The following FGF12 variants were observed in gnomAD, a reference collection of about 807,000 sequenced individuals.
FGF12 encodes the protein fibroblast growth factor 12B.
Under a neutral mutation model 23.6 loss-of-function variants are expected in FGF12, and 14 were observed. The ratio of observed to expected loss-of-function variants is 0.59; its 90% CI spans 0.39 to 0.93. The LOEUF (loss-of-function observed/expected upper bound fraction) is 0.93, where lower values mean the gene tolerates loss of function less well. Ranked by LOEUF, FGF12 falls within the 40% of genes least tolerant of loss-of-function variation. The pLI is 0.00. For synonymous variants in FGF12, 62 were observed against 77.3 expected (o/e 0.80, Z 1.04); for missense variants, 175 against 217.8 (o/e 0.80, Z 1.24).
intron 2 of FGF12, among the ~76,000 whole-genome samples, chr3:192,461,785 T>C (rs1722868822): frequency 6.6e-6 from 1 of 152,114 alleles, no homozygotes; most frequent in Admixed American, 6.6e-5. Flanking sequence ...GGTCAGGAGT[T>C]TGAGACCAGT....
At chr3:192,657,968 AGACTATTTGG>A (rs1022988385) in intron 2 of FGF12, among the ~76,000 whole-genome samples, 4 of 114,942 alleles carry the variant, frequency 3.5e-5, no homozygotes, top group South Asian at 3.2e-4. Context: ...GAGTACCACG[AGACTATTTGG>A]GTTTTTTTTT....
At chr3:192,225,076 A>T (rs1718664356) in intron 4 of FGF12, among the ~76,000 whole-genome samples, 1 of 152,012 alleles carries the variant, frequency 6.6e-6, no homozygotes, top group East Asian at 1.9e-4. Context: ...GACTTGCCAC[A>T]ACTTCAAGGC....
intron 2 of FGF12, among the ~76,000 whole-genome samples, chr3:192,722,127 T>C (rs896014050): frequency 1.1e-4 from 17 of 152,310 alleles, no homozygotes; most frequent in African/African-American, 4.1e-4. Flanking sequence ...TTAAATGAAC[T>C]GGACCCCCTT....
At chr3:192,255,301 C>T (rs1057068181) in intron 4 of FGF12, among the ~76,000 whole-genome samples, 2 of 151,954 alleles carry the variant, frequency 1.3e-5, no homozygotes, top group African/African-American at 2.4e-5. Context: ...ACATTGTCAA[C>T]TTTTCCCATT....
chr3:192,536,977 A>G (rs1054870493), intron 2 of FGF12, among the ~76,000 whole-genome samples: 3 of 152,070 alleles, frequency 2.0e-5, no homozygotes, highest in Non-Finnish European at 4.4e-5. Flanking sequence ...TCTGGTAACC[A>G]TCATTCTACT....
chr3:192,155,498 TG>T (rs571968498), intron 5 of FGF12, among the ~76,000 whole-genome samples: 137 of 152,312 alleles, frequency 9.0e-4, no homozygotes, highest in African/African-American at 3.2e-3. Flanking sequence ...GAGGTTCATT[TG>T]GGCGATCTAA....
intron 4 of FGF12, among the ~76,000 whole-genome samples, chr3:192,224,370 C>A (rs1458003873): frequency 6.6e-6 from 1 of 152,032 alleles, no homozygotes; most frequent in Admixed American, 6.6e-5. Flanking sequence ...TTTCTTTTTC[C>A]TTTTCTCTAG....
At chr3:192,230,138 C>A (rs1305888511) in intron 4 of FGF12, among the ~76,000 whole-genome samples, 1 of 152,080 alleles carries the variant, frequency 6.6e-6, no homozygotes, top group African/African-American at 2.4e-5. Context: ...ACATTTTACC[C>A]ATATTGCCAA....
intron 2 of FGF12, among the ~76,000 whole-genome samples, chr3:192,712,968 C>G (rs991722695): frequency 6.6e-6 from 1 of 152,108 alleles, no homozygotes; most frequent in African/African-American, 2.4e-5. Flanking sequence ...ATCTGTGCAT[C>G]TGAGTGTCTT....
chr3:192,209,964 A>T (rs541385902), intron 4 of FGF12, among the ~76,000 whole-genome samples: 1 of 136,086 alleles, frequency 7.3e-6, no homozygotes, highest in South Asian at 2.5e-4. Flanking sequence ...GATTAAAGAT[A>T]AAAAAAATAG....
chr3:192,572,082 C>G (rs9865525), intron 2 of FGF12, among the ~76,000 whole-genome samples: 26,134 of 151,898 alleles, frequency 0.17, 2,449 homozygotes, highest in Middle Eastern at 0.35. Context: ...GCTTAGGAAA[C>G]TAGGACCCAT....
At chr3:192,412,217 T>C (rs1721220775) in intron 2 of FGF12, among the ~76,000 whole-genome samples, 1 of 152,202 alleles carries the variant, frequency 6.6e-6, no homozygotes, top group Non-Finnish European at 1.5e-5. Flanking sequence ...GCGCCCCCTA[T>C]AAAAGGCCTG....
intron 4 of FGF12, among the ~76,000 whole-genome samples, chr3:192,298,596 T>C (rs898004022): frequency 6.6e-6 from 1 of 152,054 alleles, no homozygotes; most frequent in African/African-American, 2.4e-5. Context: ...CTACTAAAAA[T>C]ACAAAAATTA....
At chr3:192,363,425 C>A (rs1401133830) in intron 2 of FGF12, among the ~76,000 whole-genome samples, 1 of 152,086 alleles carries the variant, frequency 6.6e-6, no homozygotes, top group Non-Finnish European at 1.5e-5. Flanking sequence ...GTAACTCCTG[C>A]TCAGGATAAT....
rs1009389792 is a variant in FGF12, at chr3:192,600,996, C to T, written c.13+126185G>A. Among the ~76,000 whole-genome samples the T allele has an allele frequency of 2.0e-4, 30 of 152,062 alleles. 1 individual carries two copies. Among genetic ancestry groups the T allele is most frequent in the Admixed American group, 1.4e-3 (22 of 15,230 alleles). On this transcript the variant is annotated intron_variant, in intron 2 of 5. Coordinates refer to ENST00000445105, the MANE Select transcript of FGF12 (RefSeq NM_004113.6). ...TAGCAATATCAAAGAGACATCTGCA[C>T]CCCATGTTTATGGCAGTACTATTCA... is the stretch of plus-strand genomic sequence containing the variant.
At chr3:192,464,365 C>T (rs774013355) in intron 2 of FGF12, among the ~76,000 whole-genome samples, 2 of 152,006 alleles carry the variant, frequency 1.3e-5, no homozygotes, top group Non-Finnish European at 2.9e-5. Flanking sequence ...TTAGTTCCCA[C>T]TTCTAAGTGA....
intron 2 of FGF12, among the ~76,000 whole-genome samples, chr3:192,617,216 G>A (rs565445923): frequency 6.6e-6 from 1 of 152,080 alleles, no homozygotes; most frequent in East Asian, 1.9e-4. Flanking sequence ...TCAGACTTAA[G>A]GAGAATAGGC....
intron 4 of FGF12, among the ~76,000 whole-genome samples, chr3:192,289,672 TAA>T (rs1714653778): frequency 6.6e-6 from 1 of 152,156 alleles, no homozygotes; most frequent in African/African-American, 2.4e-5. Flanking sequence ...TAACCACTTT[TAA>T]CTTTTGTTTA....
At chr3:192,376,641 C>T (rs538476883) in intron 2 of FGF12, among the ~76,000 whole-genome samples, 2 of 152,174 alleles carry the variant, frequency 1.3e-5, no homozygotes, top group African/African-American at 4.8e-5. Context: ...GGATTACAGG[C>T]GTGAGCCACC....
Sources: gnomAD v4.1 joint callset for allele counts (sites outside exome capture counted in the v4.1 genomes callset) on GRCh38, gnomAD v4.1.1 for gene constraint, MANE v1.5 for transcripts, NCBI Gene and HGNC (gene_info 2026-07-23, HGNC 2026-07-21) for gene names.